Variants in TENM3 observed in about 807,000 individuals in gnomAD.
TENM3 encodes the protein teneurin transmembrane protein 3, also known as teneurin-3.
A neutral mutation model predicts 255.1 loss-of-function variants in TENM3; 63 were observed. The ratio of observed to expected loss-of-function variants is 0.25; its 90% CI spans 0.20 to 0.30. The LOEUF (loss-of-function observed/expected upper bound fraction) is 0.30, where lower values mean the gene tolerates loss of function less well. TENM3 is among the 10% of genes least tolerant of loss of function. The pLI, the probability that TENM3 is intolerant of heterozygous loss-of-function variation, is 1.00. For synonymous variants in TENM3, 1,306 were observed against 1,322.3 expected (o/e 0.99, Z 0.27); for missense variants, 2,929 against 3,461.1 (o/e 0.85, Z 3.86).
At chr4:182,461,666 A>G (rs1309677669) in intron 3 of TENM3, among the ~76,000 whole-genome samples, 1 of 152,174 alleles carries the variant, frequency 6.6e-6, no homozygotes, top group African/African-American at 2.4e-5. Context: ...TATTACTTTC[A>G]ATTCATGACT....
Position 182,736,899 on chromosome 4 carries a change from T to C in TENM3, c.3059T>C (p.Ile1020Thr), listed in dbSNP as rs568428683. 1.9e-6 allele frequency: 3 copies of C among 1,613,886 alleles called. No individual in the cohort carries two copies. In the South Asian group the frequency reaches 3.3e-5, roughly 18 times the overall value. ...GCAGGGTATAAGTCAGTTCTCAAGA[T>C]CACCATGACCCAGTCTATTATTCCA... ...RAAGYKSVLKITMTQSIIPFN... is the reference protein window; with the variant it reads ...RAAGYKSVLKTTMTQSIIPFN... Residue 1020 changes from isoleucine (I) to threonine (T), a missense_variant, in exon 17 of 28, where the codon ATC (isoleucine) becomes ACC (threonine). Coordinates refer to ENST00000511685, the MANE Select transcript of TENM3 (RefSeq NM_001080477.4).
At chr4:181,458,354 A>C in the TENM3 span, among the ~76,000 whole-genome samples, 69,362 of 151,268 alleles carry the variant, frequency 0.46, 16,394 homozygotes, top group African/African-American at 0.55. Context: ...TTAGGTCACA[A>C]TTTGCATTTT....
chr4:181,485,935 T>G, the TENM3 span, among the ~76,000 whole-genome samples: 4 of 152,240 alleles, frequency 2.6e-5, no homozygotes, highest in Non-Finnish European at 4.4e-5. Context: ...AATTTTTACC[T>G]TAAGCCACTG....
At chr4:182,349,402 T>G (rs1765032020) in intron 3 of TENM3, among the ~76,000 whole-genome samples, 1 of 152,182 alleles carries the variant, frequency 6.6e-6, no homozygotes. Flanking sequence ...ATTTCAGCGA[T>G]TACTTAGAAG....
intron 2 of TENM3, among the ~76,000 whole-genome samples, chr4:182,331,613 T>C (rs1763760602): frequency 6.6e-6 from 1 of 152,178 alleles, no homozygotes; most frequent in Admixed American, 6.5e-5. Context: ...TAAAAGTTAT[T>C]GGTATTTTTA....
intron 3 of TENM3, among the ~76,000 whole-genome samples, chr4:182,378,976 C>T (rs1342324215): frequency 6.6e-6 from 1 of 152,078 alleles, no homozygotes; most frequent in Admixed American, 6.5e-5. Flanking sequence ...AAGGTGCGTA[C>T]CGTGGCCAGT....
At chr4:182,434,699 G>A (rs1287891891) in intron 3 of TENM3, among the ~76,000 whole-genome samples, 1 of 151,020 alleles carries the variant, frequency 6.6e-6, no homozygotes, top group Non-Finnish European at 1.5e-5. Context: ...GCTTTTTTCT[G>A]CTTGAGCTTA....
the TENM3 span, among the ~76,000 whole-genome samples, chr4:181,457,074 T>C: frequency 0.017 from 2,540 of 151,922 alleles, 74 homozygotes; most frequent in African/African-American, 0.057. Context: ...GATTACTTAA[T>C]TGGTCATGAA....
intron 1 of TENM3, among the ~76,000 whole-genome samples, chr4:182,207,804 A>G (rs1004157969): frequency 1.3e-5 from 2 of 152,200 alleles, no homozygotes; most frequent in Non-Finnish European, 2.9e-5. Context: ...TATTGTCATC[A>G]CTTTAGACTT....
At chr4:182,066,690 C>A in the TENM3 span, among the ~76,000 whole-genome samples, 2 of 151,414 alleles carry the variant, frequency 1.3e-5, no homozygotes, top group African/African-American at 2.4e-5. Flanking sequence ...GCGGGCGGAT[C>A]ACAAGGTCAG....
chr4:181,736,868 G>T, the TENM3 span, among the ~76,000 whole-genome samples: 1 of 151,924 alleles, frequency 6.6e-6, no homozygotes, highest in Non-Finnish European at 1.5e-5. Flanking sequence ...AAGAGGCGAT[G>T]CACGTGCTTT....
intron 16 of TENM3, among the ~76,000 whole-genome samples, chr4:182,735,663 A>T (rs1472217016): frequency 6.6e-6 from 1 of 152,196 alleles, no homozygotes; most frequent in Non-Finnish European, 1.5e-5. Context: ...TGGAGAAAGT[A>T]GTGAGTTCCT....
At chr4:181,633,641 A>T in the TENM3 span, among the ~76,000 whole-genome samples, 1 of 152,212 alleles carries the variant, frequency 6.6e-6, no homozygotes, top group Non-Finnish European at 1.5e-5. Flanking sequence ...GAGGGTTATG[A>T]CTACTTGGAG....
the TENM3 span, among the ~76,000 whole-genome samples, chr4:181,545,116 A>G: frequency 1.3e-5 from 2 of 152,186 alleles, no homozygotes; most frequent in Non-Finnish European, 2.9e-5. Context: ...GATACATTGA[A>G]TGATTTTGAA....
chr4:181,645,344 C>A, the TENM3 span, among the ~76,000 whole-genome samples: 1 of 152,242 alleles, frequency 6.6e-6, no homozygotes, highest in Admixed American at 6.5e-5. Flanking sequence ...CAGCATGGTG[C>A]CCCTCTGTGG....
At chr4:182,319,970 G>C (rs914488910) in intron 1 of TENM3, among the ~76,000 whole-genome samples, 1 of 152,068 alleles carries the variant, frequency 6.6e-6, no homozygotes, top group Non-Finnish European at 1.5e-5. Flanking sequence ...CAAATTAGCC[G>C]GGTGTGGTGG....
chr4:182,696,598 G>T (rs181477890), intron 12 of TENM3, among the ~76,000 whole-genome samples: 1 of 152,018 alleles, frequency 6.6e-6, no homozygotes, highest in African/African-American at 2.4e-5. Context: ...GGTGGTGCAC[G>T]CCTGTAATCC....
chr4:181,525,279 C>T, the TENM3 span, among the ~76,000 whole-genome samples: 2 of 151,296 alleles, frequency 1.3e-5, no homozygotes, highest in Admixed American at 1.3e-4. Context: ...GGTGTGGTAG[C>T]AGACACCTGT....
At chr4:182,001,074 A>G in the TENM3 span, among the ~76,000 whole-genome samples, 2 of 151,028 alleles carry the variant, frequency 1.3e-5, no homozygotes, top group Admixed American at 1.3e-4. Flanking sequence ...TAAAGCTTCA[A>G]AACTACCTTC....
Sources: allele counts gnomAD v4.1 joint callset (sites outside exome capture counted in the v4.1 genomes callset), GRCh38; gene constraint gnomAD v4.1.1; transcripts MANE v1.5; gene names NCBI Gene and HGNC (gene_info 2026-07-23, HGNC 2026-07-21).